Variants in AFG2A observed in about 807,000 individuals in gnomAD.
AFG2A encodes the protein AAA ATPase AFG2A, also known as ATPase family gene 2 protein homolog A.
the AFG2A span, chr4:123,056,246 A>C: frequency 4.2e-6 from 3 of 715,328 alleles, no homozygotes; most frequent in Non-Finnish European, 6.4e-6. Context: ...AATAACAAAC[A>C]GAGAAAATAA....
At chr4:123,228,369 T>G in the AFG2A span, among the ~76,000 whole-genome samples, 7 of 152,150 alleles carry the variant, frequency 4.6e-5, no homozygotes, top group East Asian at 1.4e-3. Flanking sequence ...GGTTGTTCCT[T>G]TCCATGTTTA....
chr4:123,217,306 T>A, the AFG2A span, among the ~76,000 whole-genome samples: 2 of 152,122 alleles, frequency 1.3e-5, no homozygotes, highest in Admixed American at 1.3e-4. Context: ...GCAGAAGCAG[T>A]GTTGTTAAAT....
the AFG2A span, among the ~76,000 whole-genome samples, chr4:123,107,513 G>A: frequency 5.7e-3 from 870 of 152,306 alleles, 3 homozygotes; most frequent in Non-Finnish European, 9.8e-3. Flanking sequence ...GGCAGGCCCA[G>A]TGAAAGCACC....
chr4:122,961,858 G>A, the AFG2A span, among the ~76,000 whole-genome samples: 7 of 152,190 alleles, frequency 4.6e-5, no homozygotes, highest in Non-Finnish European at 8.8e-5. Context: ...CGCTGTAGGC[G>A]TGTCATAGAG....
the AFG2A span, among the ~76,000 whole-genome samples, chr4:123,008,566 G>A: frequency 6.6e-6 from 1 of 152,122 alleles, no homozygotes; most frequent in African/African-American, 2.4e-5. Context: ...CACAGCATAG[G>A]ACATATTCAC....
chr4:123,276,831 T>C, the AFG2A span, among the ~76,000 whole-genome samples: 1 of 152,136 alleles, frequency 6.6e-6, no homozygotes, highest in Non-Finnish European at 1.5e-5. Context: ...ATTCTGTTCA[T>C]TGGTCTATGT....
chr4:122,947,411 AG>A, the AFG2A span: 4 of 1,613,996 alleles, frequency 2.5e-6, no homozygotes, highest in East Asian at 8.9e-5. Context: ...TTGCTCACTG[AG>A]GCTGAGCTGC....
chr4:123,157,868 C>A, the AFG2A span, among the ~76,000 whole-genome samples: 2 of 152,134 alleles, frequency 1.3e-5, no homozygotes, highest in Non-Finnish European at 2.9e-5. Flanking sequence ...TTAAAAGAAT[C>A]CTAGAGTCAC....
At chr4:123,085,832 CTCTTT>C in the AFG2A span, among the ~76,000 whole-genome samples, 1 of 151,552 alleles carries the variant, frequency 6.6e-6, no homozygotes, top group South Asian at 2.1e-4. Context: ...TTTATTTTAT[CTCTTT>C]TCTTAGACTG....
the AFG2A span, among the ~76,000 whole-genome samples, chr4:123,012,137 T>G: frequency 8.9e-6 from 1 of 112,110 alleles, no homozygotes; most frequent in East Asian, 2.9e-4. Context: ...GCGGTGGGGA[T>G]GCTTGCCCCC....
At chr4:123,078,056 C>T in the AFG2A span, among the ~76,000 whole-genome samples, 6 of 152,088 alleles carry the variant, frequency 3.9e-5, no homozygotes, top group African/African-American at 1.2e-4. Context: ...GTGGGTTGGA[C>T]GATTCCGTTA....
chr4:123,073,123 A>G, the AFG2A span, among the ~76,000 whole-genome samples: 3 of 151,834 alleles, frequency 2.0e-5, no homozygotes, highest in African/African-American at 7.2e-5. Flanking sequence ...TATCATAACC[A>G]TGCTGTATAT....
At chr4:122,982,027 T>C in the AFG2A span, among the ~76,000 whole-genome samples, 24,797 of 152,050 alleles carry the variant, frequency 0.16, 2,454 homozygotes, top group East Asian at 0.45. Context: ...GGCTATGACT[T>C]TCAGTACTAT....
the AFG2A span, among the ~76,000 whole-genome samples, chr4:123,231,656 C>T: frequency 1.8e-4 from 28 of 152,060 alleles, no homozygotes; most frequent in Admixed American, 6.6e-4. Flanking sequence ...TAGCTTTTGG[C>T]CTTTCTCAGT....
chr4:122,969,520 T>TA, the AFG2A span, among the ~76,000 whole-genome samples: 7 of 152,108 alleles, frequency 4.6e-5, no homozygotes, highest in Admixed American at 3.9e-4. Context: ...GATATTTTTT[T>TA]AAAAAAATGG....
At chr4:122,938,110 A>G in the AFG2A span, 5 of 1,571,214 alleles carry the variant, frequency 3.2e-6, no homozygotes, top group Non-Finnish European at 3.4e-6. Flanking sequence ...ATTTCATTTT[A>G]CTTGTTTGTT....
the AFG2A span, among the ~76,000 whole-genome samples, chr4:123,047,262 T>G: frequency 6.6e-6 from 1 of 152,202 alleles, no homozygotes. Context: ...CAGCATTTCT[T>G]ATTTTTGTCT....
At chr4:123,112,458 C>T in the AFG2A span, among the ~76,000 whole-genome samples, 4 of 152,166 alleles carry the variant, frequency 2.6e-5, no homozygotes, top group African/African-American at 9.7e-5. Context: ...AGAAATGCTA[C>T]CAAAATGGTT....
At chr4:123,319,050 G>A in the AFG2A span, 1 of 152,118 alleles carries the variant, frequency 6.6e-6, no homozygotes, top group Non-Finnish European at 1.5e-5. Context: ...ACAAAACTTA[G>A]AACGGCTTCT....
Sources: gnomAD v4.1 joint callset for allele counts (sites outside exome capture counted in the v4.1 genomes callset) on GRCh38, gnomAD v4.1.1 for gene constraint, MANE v1.5 for transcripts, NCBI Gene and HGNC (gene_info 2026-07-23, HGNC 2026-07-21) for gene names.